Variants in ATG10 observed in about 807,000 individuals in gnomAD.
ATG10 encodes ubiquitin-like-conjugating enzyme ATG10.
ATG10 carries 30 observed loss-of-function variants against 32.1 expected under a neutral mutation model. The observed-to-expected ratio is 0.94, with a 90% confidence interval of 0.70 to 1.27. The LOEUF (loss-of-function observed/expected upper bound fraction) is 1.27. ATG10 is among the 50% of genes most tolerant of loss of function. The pLI, the probability that ATG10 is intolerant of heterozygous loss-of-function variation, is 0.00. For synonymous variants in ATG10, 87 were observed against 91.5 expected (o/e 0.95, Z 0.28); for missense variants, 233 against 262.3 (o/e 0.89, Z 0.77).
At chr5:81,980,798 C>G (rs1056330060) in intron 1 of ATG10, among the ~76,000 whole-genome samples, 2 of 152,054 alleles carry the variant, frequency 1.3e-5, no homozygotes, top group African/African-American at 4.8e-5. Context: ...CACTGCACTA[C>G]TGGGAGAGAA....
intron 3 of ATG10, among the ~76,000 whole-genome samples, chr5:82,125,123 T>C (rs1480733789): frequency 6.6e-6 from 1 of 152,226 alleles, no homozygotes; most frequent in Admixed American, 6.5e-5. Context: ...CTTCACCCAC[T>C]TTTTGATGGG....
At chr5:82,148,972 A>G (rs774110412) in intron 3 of ATG10, among the ~76,000 whole-genome samples, 1 of 151,890 alleles carries the variant, frequency 6.6e-6, no homozygotes, top group Admixed American at 6.6e-5. Flanking sequence ...TTCTTTCCCT[A>G]TTAGAAATTT....
At chr5:82,054,500 A>G (rs973266046) in intron 2 of ATG10, among the ~76,000 whole-genome samples, 1 of 152,194 alleles carries the variant, frequency 6.6e-6, no homozygotes, top group Non-Finnish European at 1.5e-5. Flanking sequence ...ACGAGAGTCA[A>G]TAAGCCATGG....
chr5:82,237,431 G>A (rs1406109837), intron 5 of ATG10, among the ~76,000 whole-genome samples: 1 of 152,038 alleles, frequency 6.6e-6, no homozygotes, highest in Admixed American at 6.6e-5. Context: ...ATCACCTGAG[G>A]TCAGGAGTTC....
At chr5:82,109,837 G>A (rs1185328577) in intron 3 of ATG10, among the ~76,000 whole-genome samples, 1 of 150,214 alleles carries the variant, frequency 6.7e-6, no homozygotes, top group African/African-American at 2.5e-5. Flanking sequence ...AAGTTCTAGG[G>A]TACATGTGCA....
At position 82,144,440 on chromosome 5, in the gene ATG10, A is replaced by G. The variant is rs959391022; in HGVS notation, c.217-19959A>G. On this transcript the variant is annotated intron_variant, in intron 3 of 7. Coordinates refer to ENST00000282185, the MANE Select transcript of ATG10 (RefSeq NM_031482.5). Reference sequence around the variant, plus strand: ...AAGACCTCTTTTGTTATTCAATAAAAGGATTGTAGCTATAATTTTTCCTCT... The same window carrying G: ...AAGACCTCTTTTGTTATTCAATAAAGGGATTGTAGCTATAATTTTTCCTCT... Among the ~76,000 whole-genome samples the G allele has an allele frequency of 9.2e-5, 14 of 152,066 alleles. No homozygotes were observed. In the East Asian group the frequency reaches 2.7e-3, roughly 29 times the overall value.
intron 3 of ATG10, among the ~76,000 whole-genome samples, chr5:82,138,126 G>A (rs1411525649): frequency 2.0e-5 from 3 of 152,328 alleles, no homozygotes; most frequent in East Asian, 1.9e-4. Flanking sequence ...TGCTGGGAGC[G>A]AGAATTTCAA....
Position 82,111,561 on chromosome 5 carries a change from C to T in ATG10, c.217-52838C>T, listed in dbSNP as rs575792316. 6 of 151,962 alleles carry T rather than the reference C, an allele frequency of 3.9e-5. No homozygotes were observed. In the East Asian group the frequency reaches 1.2e-3, roughly 29 times the overall value. 9.4% of individuals were successfully genotyped at this position (151,962 alleles called of 1,614,324 possible). On this transcript the variant is annotated intron_variant, in intron 3 of 7. Transcript: ENST00000282185. Reference sequence around the variant, plus strand: ...ATTTTCTTTCCTTAAAAAAATTTTTCTTTTTTGGTGTCTCCATTCAATTTT... The same window carrying T: ...ATTTTCTTTCCTTAAAAAAATTTTTTTTTTTTGGTGTCTCCATTCAATTTT...
At chr5:82,195,713 T>C (rs1384593867) in intron 5 of ATG10, among the ~76,000 whole-genome samples, 1 of 152,208 alleles carries the variant, frequency 6.6e-6, no homozygotes, top group Non-Finnish European at 1.5e-5. Flanking sequence ...TATAAGTACT[T>C]TATTCCTTTT....
At position 82,038,612 on chromosome 5, in the gene ATG10, G is replaced by A. The variant is rs181552153; in HGVS notation, c.109-19883G>A. Among the ~76,000 whole-genome samples, 211 of 152,198 alleles carry A rather than the reference G, an allele frequency of 1.4e-3. 1 individual carries two copies. Among genetic ancestry groups the A allele is most frequent in the African/African-American group, 4.7e-3 (197 of 41,522 alleles). On this transcript the variant is annotated intron_variant, in intron 2 of 7. Coordinates refer to ENST00000282185, the MANE Select transcript of ATG10 (RefSeq NM_031482.5). ...GGGATTCTTCACACTCTTGATATGC[G>A]CTCCCCTGGCCAGTTCTCTCTTTCT...
intron 5 of ATG10, among the ~76,000 whole-genome samples, chr5:82,249,077 A>T (rs1022887081): frequency 3.9e-5 from 6 of 152,156 alleles, no homozygotes; most frequent in Non-Finnish European, 7.4e-5. Flanking sequence ...TTATTCTATT[A>T]GAACATAACC....
At chr5:82,215,247 A>G (rs1745631912) in intron 5 of ATG10, among the ~76,000 whole-genome samples, 11 of 152,160 alleles carry the variant, frequency 7.2e-5, no homozygotes, top group Admixed American at 7.2e-4. Flanking sequence ...GTCTTACAAT[A>G]TGGTAGCTTA....
chr5:82,118,402 A>ATATATATATATATATATATATAT (rs1309574936), intron 3 of ATG10, among the ~76,000 whole-genome samples: 1 of 136,378 alleles, frequency 7.3e-6, no homozygotes, highest in Non-Finnish European at 1.6e-5. Context: ...ATATATATAT[A>ATATATATATATATATATATATAT]TATGTATGTA....
At chr5:82,036,678 G>T (rs1203992509) in intron 2 of ATG10, among the ~76,000 whole-genome samples, 1 of 151,976 alleles carries the variant, frequency 6.6e-6, no homozygotes, top group Non-Finnish European at 1.5e-5. Flanking sequence ...CTTTACTCCT[G>T]TGCATTTTCT....
chr5:82,087,156 T>C (rs1278509758), intron 3 of ATG10, among the ~76,000 whole-genome samples: 4 of 152,072 alleles, frequency 2.6e-5, no homozygotes, highest in Non-Finnish European at 1.5e-5. Flanking sequence ...GGTTTATGCA[T>C]CAAAAGTCAA....
At chr5:82,016,255 A>G (rs1370651275) in intron 2 of ATG10, among the ~76,000 whole-genome samples, 2 of 152,140 alleles carry the variant, frequency 1.3e-5, no homozygotes, top group African/African-American at 2.4e-5. Flanking sequence ...TGATTTTTGT[A>G]TAAGGTGAGA....
At chr5:82,172,460 A>G (rs1743845126) in intron 4 of ATG10, among the ~76,000 whole-genome samples, 1 of 152,184 alleles carries the variant, frequency 6.6e-6, no homozygotes, top group Admixed American at 6.5e-5. Context: ...TCCTGAGCTT[A>G]TATTGGAAAT....
intron 5 of ATG10, among the ~76,000 whole-genome samples, chr5:82,222,880 C>T (rs1561365364): frequency 1.3e-5 from 2 of 152,184 alleles, no homozygotes; most frequent in Non-Finnish European, 2.9e-5. Context: ...AAGTATCATA[C>T]TTAAGAAGTG....
chr5:82,214,357 G>T (rs1745597062), intron 5 of ATG10, among the ~76,000 whole-genome samples: 1 of 152,064 alleles, frequency 6.6e-6, no homozygotes. Context: ...AAAAAAATAC[G>T]CCTTGTAATT....
Sources: gnomAD v4.1 joint callset for allele counts (sites outside exome capture counted in the v4.1 genomes callset) on GRCh38, gnomAD v4.1.1 for gene constraint, MANE v1.5 for transcripts, NCBI Gene and HGNC (gene_info 2026-07-23, HGNC 2026-07-21) for gene names.